The following HPSE2 variants were observed in gnomAD, a reference collection of about 807,000 sequenced individuals.
HPSE2 encodes inactive heparanase-2.
HPSE2 carries 38 observed loss-of-function variants against 60.5 expected under a neutral mutation model. The ratio of observed to expected loss-of-function variants is 0.63; its 90% CI spans 0.48 to 0.82. The LOEUF (loss-of-function observed/expected upper bound fraction) is 0.82, where lower values mean the gene tolerates loss of function less well. HPSE2 is among the 40% of genes least tolerant of loss of function. The pLI, the probability that HPSE2 is intolerant of heterozygous loss-of-function variation, is 0.00. For missense variants in HPSE2, 713 were observed against 740.4 expected (o/e 0.96, Z 0.43); for synonymous variants, 295 against 293.2 (o/e 1.01, Z -0.06).
chr10:98,941,099 A>G lies in HPSE2; in HGVS notation c.611-197043T>C, dbSNP rs184894592. ...GACGTATCTCAAAAGAATAAGAGCT[A>G]TCTATGACGAACCCACAGCCAGTAT... is the stretch of plus-strand genomic sequence containing the variant. On this transcript the variant is annotated intron_variant, in intron 3 of 11. Coordinates refer to ENST00000370552, the MANE Select transcript of HPSE2 (RefSeq NM_021828.5). 5.1e-4 allele frequency among the ~76,000 whole-genome samples: 72 copies of G among 142,572 alleles called. 5 individuals are homozygous for G. In the East Asian group the frequency reaches 0.012, roughly 23 times the overall value. The allele number at this position is 142,572 out of a possible 152,430, so 93.5% of individuals were successfully genotyped here. A position where few individuals can be genotyped will look rare whatever the true frequency, so the allele number is the denominator to read the frequency against.
chr10:98,762,401 A>C (rs1191657642), intron 3 of HPSE2, among the ~76,000 whole-genome samples: 1 of 151,998 alleles, frequency 6.6e-6, no homozygotes, highest in Non-Finnish European at 1.5e-5. Flanking sequence ...ACAGAGAGAA[A>C]ATGTTCGGGG....
intron 3 of HPSE2, among the ~76,000 whole-genome samples, chr10:98,752,043 G>T (rs1949770007): frequency 6.6e-6 from 1 of 152,134 alleles, no homozygotes; most frequent in Non-Finnish European, 1.5e-5. Context: ...TCTATTCCAT[G>T]TATATTTTGG....
chr10:98,770,523 A>C lies in HPSE2; in HGVS notation c.611-26467T>G, dbSNP rs565337705. Among the ~76,000 whole-genome samples, 16 of 152,276 alleles carry C rather than the reference A, an allele frequency of 1.1e-4. 1 individual carries two copies. The South Asian group carries it at 3.3e-3, about 32-fold the overall frequency. On this transcript the variant is annotated intron_variant, in intron 3 of 11. Transcript: ENST00000370552. The stretch of plus-strand genomic sequence containing the variant: ...ACTGAACACAGTAGCCAAGGATATT[A>C]AGGCAGGTTTATTCCAGCAAATTAT...
chr10:99,057,457 A>G (rs1958139724), intron 3 of HPSE2, among the ~76,000 whole-genome samples: 1 of 152,212 alleles, frequency 6.6e-6, no homozygotes, highest in South Asian at 2.1e-4. Flanking sequence ...AAAGGAGGGT[A>G]GGCAACAGCA....
intron 5 of HPSE2, among the ~76,000 whole-genome samples, chr10:98,713,832 G>A (rs991789862): frequency 6.6e-6 from 1 of 151,870 alleles, no homozygotes; most frequent in Non-Finnish European, 1.5e-5. Context: ...AATTCCATGT[G>A]CTTGGTTTAC....
chr10:99,100,584 G>C (rs1485891500), intron 3 of HPSE2, among the ~76,000 whole-genome samples: 1 of 152,180 alleles, frequency 6.6e-6, no homozygotes, highest in Admixed American at 6.5e-5. Flanking sequence ...TATTAGCCAG[G>C]AGAACTTTCC....
chr10:98,712,188 G>A (rs1404451852), intron 5 of HPSE2, among the ~76,000 whole-genome samples: 1 of 151,776 alleles, frequency 6.6e-6, no homozygotes, highest in East Asian at 1.9e-4. Flanking sequence ...CATCTCCAAT[G>A]TTCGACAGAC....
chr10:99,273,221 G>C, the HPSE2 span, among the ~76,000 whole-genome samples: 1 of 152,136 alleles, frequency 6.6e-6, no homozygotes, highest in Non-Finnish European at 1.5e-5. Context: ...AAGTTGTGAG[G>C]ATGCAAAGGC....
intron 3 of HPSE2, among the ~76,000 whole-genome samples, chr10:98,792,935 T>C (rs1447264859): frequency 3.3e-5 from 5 of 152,106 alleles, no homozygotes; most frequent in Middle Eastern, 3.4e-3. Flanking sequence ...ATTAAACAAA[T>C]GCTTGCCTTA....
chr10:98,891,391 A>T (rs1953330875), intron 3 of HPSE2, among the ~76,000 whole-genome samples: 1 of 152,138 alleles, frequency 6.6e-6, no homozygotes, highest in Non-Finnish European at 1.5e-5. Flanking sequence ...TTACTCATGG[A>T]ATGTAATGAA....
chr10:99,246,411 T>A, the HPSE2 span, among the ~76,000 whole-genome samples: 3 of 152,168 alleles, frequency 2.0e-5, no homozygotes, highest in African/African-American at 7.2e-5. Flanking sequence ...AATAAAAATG[T>A]GGTGAAAGGT....
intron 2 of HPSE2, among the ~76,000 whole-genome samples, chr10:99,149,137 T>C (rs989182066): frequency 6.6e-6 from 1 of 152,150 alleles, no homozygotes; most frequent in African/African-American, 2.4e-5. Flanking sequence ...ACTTATTCTG[T>C]GGAAATCTAA....
chr10:98,983,603 T>G (rs1308934979), intron 3 of HPSE2, among the ~76,000 whole-genome samples: 1 of 152,228 alleles, frequency 6.6e-6, no homozygotes, highest in Admixed American at 6.5e-5. Context: ...TATTCACAAA[T>G]GGGTCGTGGG....
chr10:98,534,651 C>T (rs572877707), intron 9 of HPSE2, among the ~76,000 whole-genome samples: 255 of 152,198 alleles, frequency 1.7e-3, no homozygotes, highest in African/African-American at 5.4e-3. Flanking sequence ...GTGATCTGCC[C>T]ACCTCAGCCT....
chr10:99,184,695 G>T (rs1847909163), intron 2 of HPSE2, among the ~76,000 whole-genome samples: 1 of 145,190 alleles, frequency 6.9e-6, no homozygotes, highest in Admixed American at 6.9e-5. Flanking sequence ...TAGCAGAAAT[G>T]AAAAAATATT....
intron 2 of HPSE2, among the ~76,000 whole-genome samples, chr10:99,221,948 CAACAAGATGGAGAGAGGCTGAA>C: frequency 6.6e-6 from 1 of 152,158 alleles, no homozygotes; most frequent in East Asian, 1.9e-4. Flanking sequence ...GTTAATAAGA[CAACAAGATGGAGAGAGGCTGAA>C]AACAGGAAAC....
intron 3 of HPSE2, among the ~76,000 whole-genome samples, chr10:99,087,439 A>C (rs1274740286): frequency 6.6e-6 from 1 of 152,206 alleles, no homozygotes; most frequent in African/African-American, 2.4e-5. Context: ...CGTCAATGGA[A>C]ATTCTGGGTG....
At chr10:98,481,430 G>C (rs1346828417) in intron 11 of HPSE2, among the ~76,000 whole-genome samples, 3 of 152,104 alleles carry the variant, frequency 2.0e-5, no homozygotes, top group Non-Finnish European at 1.5e-5. Flanking sequence ...TAGGATGAAG[G>C]CCAGGAATTC....
intron 3 of HPSE2, among the ~76,000 whole-genome samples, chr10:98,818,072 T>G (rs1365826975): frequency 1.3e-5 from 2 of 152,190 alleles, no homozygotes. Context: ...TTGCATCCTG[T>G]GAATACCGTA....
Sources: allele counts gnomAD v4.1 joint callset (sites outside exome capture counted in the v4.1 genomes callset), GRCh38; gene constraint gnomAD v4.1.1; transcripts MANE v1.5; gene names NCBI Gene and HGNC (gene_info 2026-07-23, HGNC 2026-07-21).